Variants in SND1 observed in about 807,000 individuals in gnomAD.
SND1 encodes the protein staphylococcal nuclease domain-containing protein 1.
SND1 carries 38 observed loss-of-function variants against 121.7 expected under a neutral mutation model. That is an observed-to-expected ratio of 0.31 (90% confidence interval 0.24 to 0.41). The LOEUF is 0.41. SND1 is among the 10% of genes least tolerant of loss of function. SND1 has a pLI of 1.00. For missense variants in SND1, 868 were observed against 1,184.6 expected, an observed-to-expected ratio of 0.73 and a Z score of 3.92; for synonymous variants, 401 against 447.4, an observed-to-expected ratio of 0.90 and a Z score of 1.31.
chr7:127,835,269 T>G (rs964467308), intron 11 of SND1, among the ~76,000 whole-genome samples: 1 of 152,122 alleles, frequency 6.6e-6, no homozygotes, highest in Admixed American at 6.5e-5. Context: ...TTGGGTGACA[T>G]TGGGTGTATT....
At chr7:127,802,531 T>G (rs933617201) in intron 10 of SND1, among the ~76,000 whole-genome samples, 2 of 152,214 alleles carry the variant, frequency 1.3e-5, no homozygotes, top group African/African-American at 4.8e-5. Context: ...TTTCTTTTCT[T>G]GGTTTCCAGA....
intron 10 of SND1, among the ~76,000 whole-genome samples, chr7:127,786,242 A>G (rs901905186): frequency 1.2e-4 from 18 of 151,800 alleles, no homozygotes; most frequent in Non-Finnish European, 2.5e-4. Context: ...TACCCATTTC[A>G]TTTTTCTCTT....
chr7:127,852,503 A>G (rs369293256), intron 12 of SND1, among the ~76,000 whole-genome samples: 9 of 151,218 alleles, frequency 6.0e-5, no homozygotes, highest in East Asian at 5.8e-4. Context: ...AAAAAAAAAA[A>G]AAAAGAAAAA....
chr7:127,683,426 A>G (rs566249019), intron 1 of SND1, among the ~76,000 whole-genome samples: 1 of 152,270 alleles, frequency 6.6e-6, no homozygotes, highest in Admixed American at 6.5e-5. Context: ...TGTGTTGTCC[A>G]GGCTGGTTTT....
intron 16 of SND1, among the ~76,000 whole-genome samples, chr7:128,070,389 A>G (rs1034962157): frequency 1.3e-5 from 2 of 152,186 alleles, no homozygotes; most frequent in African/African-American, 2.4e-5. Context: ...CCACATGTGC[A>G]CGTCAGTGCA....
chr7:127,721,151 C>T, intron 9 of SND1, 136 bp from the exon 10 acceptor site: 2 of 526,606 alleles, frequency 3.8e-6, no homozygotes, highest in East Asian at 3.5e-5. Flanking sequence ...CATTGTTGCA[C>T]CATGAAGGAT....
At chr7:127,934,410 G>A (rs865897389) in intron 15 of SND1, among the ~76,000 whole-genome samples, 49 of 152,238 alleles carry the variant, frequency 3.2e-4, no homozygotes, top group African/African-American at 8.9e-4. Flanking sequence ...TTAAGCAAGG[G>A]GGCAGCATGC....
At chr7:127,912,136 A>G (rs1800472022) in intron 14 of SND1, among the ~76,000 whole-genome samples, 2 of 152,162 alleles carry the variant, frequency 1.3e-5, no homozygotes, top group African/African-American at 4.8e-5. Flanking sequence ...CTTTGTTCAT[A>G]TGACAAAGTG....
chr7:128,050,355 ATACCTCATTGTTCTTCTCCT>A (rs1266347974), intron 16 of SND1, among the ~76,000 whole-genome samples: 1 of 152,216 alleles, frequency 6.6e-6, no homozygotes, highest in African/African-American at 2.4e-5. Flanking sequence ...TAGAAATCCC[ATACCTCATTGTTCTTCTCCT>A]TACCTCTTTT....
intron 16 of SND1, among the ~76,000 whole-genome samples, chr7:128,055,904 T>G (rs1793134188): frequency 6.6e-6 from 1 of 152,150 alleles, no homozygotes; most frequent in South Asian, 2.1e-4. Context: ...TGCTCCCAGA[T>G]GTCAGCAGAA....
chr7:127,764,183 C>G (rs1265118531), intron 10 of SND1, among the ~76,000 whole-genome samples: 1 of 151,906 alleles, frequency 6.6e-6, no homozygotes, highest in Non-Finnish European at 1.5e-5. Context: ...TAATTCTAAA[C>G]TGAATATTAG....
chr7:127,828,030 G>A (rs183429725), intron 11 of SND1, among the ~76,000 whole-genome samples: 585 of 151,938 alleles, frequency 3.9e-3, no homozygotes, highest in Non-Finnish European at 5.3e-3. Flanking sequence ...AGGCAGTCTC[G>A]CTGTTGCCCA....
intron 11 of SND1, among the ~76,000 whole-genome samples, chr7:127,827,495 T>C (rs1446977729): frequency 6.6e-6 from 1 of 152,250 alleles, no homozygotes; most frequent in Non-Finnish European, 1.5e-5. Context: ...CTTCTGTGAA[T>C]GATTAATAAC....
intron 16 of SND1, among the ~76,000 whole-genome samples, chr7:128,070,235 C>T (rs1211522869): frequency 6.6e-6 from 1 of 152,232 alleles, no homozygotes; most frequent in Non-Finnish European, 1.5e-5. Flanking sequence ...CCCCCTCCCC[C>T]AGAACCATGT....
intron 2 of SND1, among the ~76,000 whole-genome samples, chr7:127,687,568 A>G (rs1268285301): frequency 1.3e-5 from 2 of 152,120 alleles, no homozygotes; most frequent in Non-Finnish European, 2.9e-5. Context: ...AGAACATGTG[A>G]TATTTGATTG....
intron 15 of SND1, among the ~76,000 whole-genome samples, chr7:127,965,052 T>G (rs1801825172): frequency 1.7e-5 from 1 of 59,978 alleles, no homozygotes; most frequent in African/African-American, 8.5e-5. Flanking sequence ...TTTGGCTCTC[T>G]GTTTGTCTGT....
rs554901537 is a variant in SND1, at chr7:127,961,372, A to G, written c.1670-29575A>G. Among the ~76,000 whole-genome samples, 7 of 152,344 alleles carry G rather than the reference A, an allele frequency of 4.6e-5. No individual in the cohort carries two copies. The South Asian group carries it at 1.2e-3, about 27-fold the overall frequency. ...TTCTTTACAAATAAAGCTGTATGAT[A>G]GTAAGATCTAGATCCAGGCATCTTT... On this transcript the variant is annotated intron_variant, in intron 15 of 23. Coordinates refer to ENST00000354725, the MANE Select transcript of SND1 (RefSeq NM_014390.4).
chr7:127,832,173 T>A (rs1798753030), intron 11 of SND1, among the ~76,000 whole-genome samples: 1 of 152,238 alleles, frequency 6.6e-6, no homozygotes, highest in Admixed American at 6.5e-5. Flanking sequence ...TTAAGATTAC[T>A]GAAATCTCAA....
intron 10 of SND1, among the ~76,000 whole-genome samples, chr7:127,722,337 T>C (rs1431380900): frequency 6.6e-6 from 1 of 151,574 alleles, no homozygotes; most frequent in East Asian, 1.9e-4. Flanking sequence ...AAACAGGGTC[T>C]TGTTATGTTG....
Sources: allele counts gnomAD v4.1 joint callset (sites outside exome capture counted in the v4.1 genomes callset), GRCh38; gene constraint gnomAD v4.1.1; transcripts MANE v1.5; gene names NCBI Gene and HGNC (gene_info 2026-07-23, HGNC 2026-07-21).